CACNB2: variants seen among roughly 807,000 people sequenced by gnomAD.
CACNB2 encodes voltage-dependent L-type calcium channel subunit beta-2.
CACNB2 carries 42 observed loss-of-function variants against 73.3 expected under a neutral mutation model. The ratio of observed to expected loss-of-function variants is 0.57; its 90% CI spans 0.45 to 0.74. The LOEUF is 0.74. Ranked by LOEUF, CACNB2 falls within the 30% of genes least tolerant of loss-of-function variation. CACNB2 has a pLI of 0.00. For missense variants in CACNB2, 940 were observed against 853.0 expected, an observed-to-expected ratio of 1.10 and a Z score of -1.27; for synonymous variants, 348 against 310.3, an observed-to-expected ratio of 1.12 and a Z score of -1.28.
At chr10:18,423,847 G>GT (rs1319534696) in intron 3 of CACNB2, among the ~76,000 whole-genome samples, 2 of 152,058 alleles carry the variant, frequency 1.3e-5, no homozygotes, top group Admixed American at 6.6e-5. Context: ...ACTGGAAAGA[G>GT]TTTTTTCTCT....
intron 3 of CACNB2, among the ~76,000 whole-genome samples, chr10:18,442,998 GTGTATA>G (rs2046535741): frequency 5.5e-4 from 5 of 9,122 alleles, no homozygotes; most frequent in Admixed American, 1.1e-3. Context: ...ATATATATAT[GTGTATA>G]TATATATATG....
intron 4 of CACNB2, among the ~76,000 whole-genome samples, chr10:18,500,369 T>C (rs11014520): frequency 0.051 from 7,742 of 152,268 alleles, 307 homozygotes; most frequent in Non-Finnish European, 0.073. Context: ...TGCACAAAGG[T>C]AAATTGTCCT....
At chr10:18,443,018 A>ATATATATATATGTATATATATATG (rs2046545269) in intron 3 of CACNB2, among the ~76,000 whole-genome samples, 4 of 69,984 alleles carry the variant, frequency 5.7e-5, no homozygotes, top group Non-Finnish European at 8.8e-5. Context: ...ATATATGTAT[A>ATATATATATATGTATATATATATG]TATATATATA....
chr10:18,465,601 T>C (rs1430642482), intron 3 of CACNB2, among the ~76,000 whole-genome samples: 3 of 152,060 alleles, frequency 2.0e-5, no homozygotes, highest in African/African-American at 7.2e-5. Context: ...CCTCCCAGGA[T>C]GCATGCAAAA....
At chr10:18,298,488 A>G (rs1405286363) in intron 2 of CACNB2, among the ~76,000 whole-genome samples, 2 of 152,244 alleles carry the variant, frequency 1.3e-5, no homozygotes, top group African/African-American at 4.8e-5. Context: ...TTTAAATGCC[A>G]CAGGTGAGGC....
chr10:18,501,088 TTGCATTTTCC>T, intron 5 of CACNB2, 140 bp downstream of exon 5: 1 of 895,624 alleles, frequency 1.1e-6, no homozygotes, highest in Non-Finnish European at 1.7e-6. Flanking sequence ...ATCACAAATC[TTGCATTTTCC>T]TGCATTTAAA....
chr10:18,441,621 G>T (rs2046414680), intron 3 of CACNB2, among the ~76,000 whole-genome samples: 1 of 151,934 alleles, frequency 6.6e-6, no homozygotes, highest in Non-Finnish European at 1.5e-5. Context: ...GTGGTTTTCT[G>T]GGATTTTTGT....
At chr10:18,364,520 G>C (rs558202965) in intron 2 of CACNB2, among the ~76,000 whole-genome samples, 1 of 151,724 alleles carries the variant, frequency 6.6e-6, no homozygotes. Context: ...GGCTGGTCTC[G>C]AACTCCTGAC....
At chr10:18,407,208 A>G (rs144263918) in intron 3 of CACNB2, among the ~76,000 whole-genome samples, 2 of 123,742 alleles carry the variant, frequency 1.6e-5, no homozygotes, top group Non-Finnish European at 3.2e-5. Context: ...GTGCAACTCC[A>G]CCTCCCGGGT....
intron 2 of CACNB2, among the ~76,000 whole-genome samples, chr10:18,287,977 C>T (rs1003228763): frequency 3.3e-4 from 51 of 152,314 alleles, no homozygotes; most frequent in African/African-American, 1.1e-3. Flanking sequence ...CAATGCTCAG[C>T]TCCTAGCTGT....
At chr10:18,234,560 A>T (rs541290827) in intron 2 of CACNB2, among the ~76,000 whole-genome samples, 1 of 152,364 alleles carries the variant, frequency 6.6e-6, no homozygotes, top group African/African-American at 2.4e-5. Flanking sequence ...TTTCAGCTTT[A>T]GGAAGGTATT....
intron 2 of CACNB2, among the ~76,000 whole-genome samples, chr10:18,202,786 C>T (rs1284017344): frequency 6.6e-6 from 1 of 152,206 alleles, no homozygotes; most frequent in African/African-American, 2.4e-5. Flanking sequence ...GTAGTAACGT[C>T]AAGAAATAGC....
At chr10:18,220,010 G>A (rs79666169) in intron 2 of CACNB2, among the ~76,000 whole-genome samples, 12,767 of 147,224 alleles carry the variant, frequency 0.087, 844 homozygotes, top group African/African-American at 0.18. Context: ...CAACTGATCT[G>A]CCCTCCTAAG....
At chr10:18,192,902 A>G (rs1424889464) in intron 2 of CACNB2, among the ~76,000 whole-genome samples, 2 of 152,200 alleles carry the variant, frequency 1.3e-5, no homozygotes, top group African/African-American at 4.8e-5. Context: ...ACTGATGGAC[A>G]TGGGCTGTTT....
chr10:18,207,728 AT>A (rs2035154665), intron 2 of CACNB2, among the ~76,000 whole-genome samples: 1 of 152,232 alleles, frequency 6.6e-6, no homozygotes, highest in Non-Finnish European at 1.5e-5. Context: ...GGCATGATGT[AT>A]TATGTTGCAT....
chr10:18,361,163 C>G (rs2042121720), intron 2 of CACNB2, among the ~76,000 whole-genome samples: 1 of 151,898 alleles, frequency 6.6e-6, no homozygotes, highest in African/African-American at 2.4e-5. Context: ...TTAGCATTCT[C>G]CTCTACTTCC....
intron 2 of CACNB2, among the ~76,000 whole-genome samples, chr10:18,220,110 A>T (rs1438375789): frequency 3.1e-4 from 10 of 32,750 alleles, no homozygotes; most frequent in Admixed American, 1.0e-3. Flanking sequence ...TTTATTTTTT[A>T]ATATATATAT....
At chr10:18,289,590 G>A (rs1403557576) in intron 2 of CACNB2, among the ~76,000 whole-genome samples, 3 of 151,964 alleles carry the variant, frequency 2.0e-5, no homozygotes, top group South Asian at 2.1e-4. Context: ...CACCGCGCCC[G>A]GCCAAAGTTG....
chr10:18,422,702 A>ATTTTTTTTTTTTTTTTTT (rs1423503774), intron 3 of CACNB2, among the ~76,000 whole-genome samples: 1 of 140,000 alleles, frequency 7.1e-6, no homozygotes, highest in Non-Finnish European at 1.6e-5. Context: ...TTCAAAAAAA[A>ATTTTTTTTTTTTTTTTTT]TTTTTTTTAA....
Sources: allele counts gnomAD v4.1 joint callset (sites outside exome capture counted in the v4.1 genomes callset), GRCh38; gene constraint gnomAD v4.1.1; transcripts MANE v1.5; gene names NCBI Gene and HGNC (gene_info 2026-07-23, HGNC 2026-07-21).